The following RUNX2 variants were observed in gnomAD, a reference collection of about 807,000 sequenced individuals.
RUNX2 encodes the protein RUNX family transcription factor 2.
A neutral mutation model predicts 51.7 loss-of-function variants in RUNX2; 10 were observed. The observed-to-expected ratio is 0.19, with a 90% CI of 0.12 to 0.33. The LOEUF is 0.33. Ranked by LOEUF, RUNX2 falls within the 10% of genes least tolerant of loss-of-function variation. RUNX2 has a pLI of 1.00. For missense variants in RUNX2, 562 were observed against 691.3 expected, an observed-to-expected ratio of 0.81 and a Z score of 2.10; for synonymous variants, 276 against 273.6, an observed-to-expected ratio of 1.01 and a Z score of -0.09.
At chr6:45,417,442 AT>A (rs1242087918) in intron 2 of RUNX2, among the ~76,000 whole-genome samples, 1 of 152,226 alleles carries the variant, frequency 6.6e-6, no homozygotes, top group East Asian at 1.9e-4. Flanking sequence ...CTCCAAAATT[AT>A]TAAGTGAAAA....
intron 2 of RUNX2, among the ~76,000 whole-genome samples, chr6:45,329,289 C>G (rs539270172): frequency 5.9e-5 from 9 of 152,038 alleles, no homozygotes; most frequent in East Asian, 1.9e-4. Flanking sequence ...AACATTTTAA[C>G]CAGCTCAACT....
intron 2 of RUNX2, among the ~76,000 whole-genome samples, chr6:45,331,104 G>GGTGTGTGT (rs143223149): frequency 2.5e-4 from 38 of 149,720 alleles, no homozygotes; most frequent in Admixed American, 7.3e-4. Flanking sequence ...TACAATGAGT[G>GGTGTGTGT]GTGTGTGTGT....
At position 45,408,665 on chromosome 6, in the gene RUNX2, T is replaced by C. The variant is rs531079063; in HGVS notation, c.59-13928T>C. 1.9e-3 allele frequency among the ~76,000 whole-genome samples: 288 copies of C among 152,090 alleles called. 1 individual carries two copies. The highest frequency in any genetic ancestry group is 6.5e-3 in the African/African-American group (268 of 41,496). ...ACACCTAGGCTAGGGTCAAGCAGAATGGAAGGACTGCAGTATTTGAGTTCA... is the reference window on the plus strand; with the variant it reads ...ACACCTAGGCTAGGGTCAAGCAGAACGGAAGGACTGCAGTATTTGAGTTCA... On this transcript the variant is annotated intron_variant, in intron 2 of 8. Coordinates refer to ENST00000647337, the MANE Select transcript of RUNX2 (RefSeq NM_001024630.4).
At chr6:45,457,553 A>C (rs921624911) in intron 5 of RUNX2, among the ~76,000 whole-genome samples, 5 of 152,208 alleles carry the variant, frequency 3.3e-5, no homozygotes, top group African/African-American at 1.2e-4. Context: ...TCAGTTCATA[A>C]GTATATCTGG....
intron 2 of RUNX2, among the ~76,000 whole-genome samples, chr6:45,365,747 T>G (rs1224574133): frequency 1.3e-5 from 2 of 150,444 alleles, no homozygotes; most frequent in African/African-American, 4.9e-5. Flanking sequence ...ATATGAAGGT[T>G]CCAAGTAAGA....
intron 2 of RUNX2, among the ~76,000 whole-genome samples, chr6:45,414,666 C>G (rs753547608): frequency 9.9e-5 from 15 of 151,262 alleles, no homozygotes; most frequent in Non-Finnish European, 1.5e-4. Flanking sequence ...CAGCAATCGT[C>G]TAGCCCTGCT....
intron 2 of RUNX2, among the ~76,000 whole-genome samples, chr6:45,381,975 ATTT>A (rs1383908410): frequency 2.9e-4 from 44 of 152,340 alleles, no homozygotes; most frequent in African/African-American, 9.9e-4. Flanking sequence ...ATCATTGTAG[ATTT>A]CACAGTCCAG....
At chr6:45,401,202 C>A (rs1425669696) in intron 2 of RUNX2, among the ~76,000 whole-genome samples, 1 of 152,150 alleles carries the variant, frequency 6.6e-6, no homozygotes, top group East Asian at 1.9e-4. Flanking sequence ...AATTTCTGTT[C>A]ATTTCTAATG....
At chr6:45,371,905 C>A in intron 2 of RUNX2, 1 of 905,432 alleles carries the variant, frequency 1.1e-6, no homozygotes, top group Non-Finnish European at 1.3e-6. Context: ...AACTGAAGTC[C>A]AGAGGGGTTT....
At chr6:45,503,232 C>T (rs577331297) in intron 6 of RUNX2, among the ~76,000 whole-genome samples, 1 of 152,290 alleles carries the variant, frequency 6.6e-6, no homozygotes, top group South Asian at 2.1e-4. Context: ...AACTGTAAAA[C>T]TCCATGGGAC....
chr6:45,468,636 A>C (rs1799711011), intron 5 of RUNX2, among the ~76,000 whole-genome samples: 1 of 152,222 alleles, frequency 6.6e-6, no homozygotes, highest in South Asian at 2.1e-4. Flanking sequence ...TTTAGGGAAA[A>C]AAATCCCTTT....
intron 2 of RUNX2, among the ~76,000 whole-genome samples, chr6:45,348,298 C>T (rs1791297513): frequency 6.6e-6 from 1 of 151,906 alleles, no homozygotes; most frequent in Admixed American, 6.6e-5. Flanking sequence ...TATTTAATTT[C>T]TATTAAAGAA....
chr6:45,475,280 A>G (rs1799926079), intron 5 of RUNX2, among the ~76,000 whole-genome samples: 1 of 152,156 alleles, frequency 6.6e-6, no homozygotes, highest in Non-Finnish European at 1.5e-5. Context: ...TTTTACTTCT[A>G]TTTGAGGGTG....
chr6:45,463,565 A>C (rs537997989), intron 5 of RUNX2, among the ~76,000 whole-genome samples: 1 of 152,090 alleles, frequency 6.6e-6, no homozygotes, highest in Non-Finnish European at 1.5e-5. Context: ...GGATTTTCTC[A>C]GTGTAAGTAT....
At chr6:45,510,451 A>G (rs1234458137) in intron 6 of RUNX2, among the ~76,000 whole-genome samples, 13 of 152,226 alleles carry the variant, frequency 8.5e-5, no homozygotes, top group Admixed American at 5.2e-4. Context: ...CTTTAAATAA[A>G]TTGTTTCTGA....
intron 7 of RUNX2, among the ~76,000 whole-genome samples, chr6:45,528,398 A>T (rs1398028467): frequency 2.0e-5 from 3 of 152,150 alleles, no homozygotes; most frequent in Non-Finnish European, 2.9e-5. Context: ...AGGCAGGTGG[A>T]TCATTTGAGG....
At chr6:45,354,430 G>A (rs1467271740) in intron 2 of RUNX2, among the ~76,000 whole-genome samples, 1 of 152,110 alleles carries the variant, frequency 6.6e-6, no homozygotes, top group Non-Finnish European at 1.5e-5. Context: ...ACACCCCAAA[G>A]TGTATGCCTC....
chr6:45,438,108 G>T (rs771303390), intron 5 of RUNX2, 57 bp downstream of exon 5: 64 of 1,102,470 alleles, frequency 5.8e-5, no homozygotes, highest in Non-Finnish European at 8.5e-5. Context: ...ACCCTATGAG[G>T]AATTTATTCC....
chr6:45,511,739 C>A (rs544448416), intron 6 of RUNX2, among the ~76,000 whole-genome samples: 15 of 152,282 alleles, frequency 9.9e-5, no homozygotes, highest in Non-Finnish European at 1.8e-4. Context: ...GAATCATGCA[C>A]TTTAAAACCA....
Sources: gnomAD v4.1 joint callset for allele counts (sites outside exome capture counted in the v4.1 genomes callset) on GRCh38, gnomAD v4.1.1 for gene constraint, MANE v1.5 for transcripts, NCBI Gene and HGNC (gene_info 2026-07-23, HGNC 2026-07-21) for gene names.